Variants in CFB observed in about 807,000 individuals in gnomAD.
CFB encodes the protein complement factor B, also known as B-factor, properdin.
Under a neutral mutation model 97.2 loss-of-function variants are expected in CFB, and 59 were observed. That is an observed-to-expected ratio of 0.61 (90% CI 0.49 to 0.75). The LOEUF is 0.75. CFB is among the 30% of genes least tolerant of loss of function. CFB has a pLI of 0.00. For missense variants in CFB, 771 were observed against 959.8 expected (o/e 0.80, Z 2.60); for synonymous variants, 316 against 351.7 (o/e 0.90, Z 1.14).
At position 31,951,371 on chromosome 6, in the gene CFB, G is replaced by A. The variant is rs1771759285; in HGVS notation, c.1987G>A (p.Ala663Thr). Residue 663 changes from alanine to threonine, a missense_variant, in exon 16 of 18, where the codon GCC becomes ACC. Transcript: ENST00000425368. The surrounding 1 kb of genome is among the most constrained non-coding windows in gnomAD (Gnocchi z 4.3). ...KGSCERDAQY[A>T]PGYDKVKDIS... ...CAGCTGTGAGAGAGATGCTCAATAT[G>A]CCCCAGGCTATGACAAAGTCAAGGA... 1 of 1,614,014 alleles carries A rather than the reference G, an allele frequency of 6.2e-7. No homozygotes were observed. Among genetic ancestry groups the A allele is most frequent in the Non-Finnish European group, 8.5e-7 (1 of 1,180,036 alleles).
In CFB at chr6:31,948,022, A is replaced by G; in HGVS notation, c.838A>G (p.Ser280Gly). 1 of 1,614,192 alleles carries G rather than the reference A, an allele frequency of 6.2e-7. No homozygotes were observed. Among genetic ancestry groups the G allele is most frequent in the Non-Finnish European group, 8.5e-7 (1 of 1,180,034 alleles). Residue 280 changes from serine (S) to glycine (G), a missense_variant, in exon 6 of 18, where the codon AGC (serine) becomes GGC (glycine). Ser to Gly is a moderately conservative substitution (Grantham distance 56). Coordinates refer to ENST00000425368, the MANE Select transcript of CFB (RefSeq NM_001710.6). ...CTACCTGGTGCTAGATGGATCAGACAGCATTGGGGCCAGCAACTTCACAGG... is the reference window on the plus strand; with the variant it reads ...CTACCTGGTGCTAGATGGATCAGACGGCATTGGGGCCAGCAACTTCACAGG... ...NIYLVLDGSD[S>G]IGASNFTGAK...
intron 7 of CFB, 136 bp from the exon 8 acceptor site, chr6:31,948,694 G>C: frequency 6.6e-7 from 1 of 1,525,270 alleles, no homozygotes; most frequent in Non-Finnish European, 9.0e-7. Context: ...GCCACTTTGT[G>C]GTCAAAGGGA....
Position 31,949,239 on chromosome 6 carries a change from G to C in CFB, c.1169-4G>C. Reference sequence around the variant, plus strand: ...CTACCCTCATGGTCCTGTCTCTTCTGCAGGATTGCACAACATGGGCGGGGA... The same window carrying C: ...CTACCCTCATGGTCCTGTCTCTTCTCCAGGATTGCACAACATGGGCGGGGA... On this transcript the variant is annotated splice_region_variant and splice_polypyrimidine_tract_variant and intron_variant, in intron 8 of 17. Coordinates refer to ENST00000425368, the MANE Select transcript of CFB (RefSeq NM_001710.6). The C allele has an allele frequency of 6.2e-7, 1 of 1,613,872 alleles. No individual in the cohort carries two copies. The highest frequency in any genetic ancestry group is 1.1e-5 in the South Asian group (1 of 91,054).
Position 31,946,328 on chromosome 6 carries a change from C to G in CFB, c.64+43C>G, listed in dbSNP as rs1771418373. The G allele has an allele frequency of 6.2e-7, 1 of 1,612,950 alleles. No homozygotes were observed. Among genetic ancestry groups the G allele is most frequent in the Non-Finnish European group, 8.5e-7 (1 of 1,179,910 alleles). ...TCCCTTCCTGCTGTCTCCAGCATCC[C>G]TCCTTGGCCTTTTGGGGCCAGGCTT... On this transcript the variant is annotated intron_variant, in intron 1 of 17. Coordinates refer to ENST00000425368, the MANE Select transcript of CFB (RefSeq NM_001710.6). The surrounding 1 kb of genome is among the most constrained non-coding windows in gnomAD (Gnocchi z 6.4).
In CFB at chr6:31,951,017, AG is replaced by A. The variant is rs1258201230; in HGVS notation, c.1855+75del. The A allele has an allele frequency of 3.8e-6, 6 of 1,582,214 alleles. No individual in the cohort carries two copies. The highest frequency in any genetic ancestry group is 5.2e-6 in the Non-Finnish European group (6 of 1,153,376). The stretch of plus-strand genomic sequence containing the variant: ...GTGGGGCATGAGAGGGAGGTGCAAT[AG>A]GAAGAGATGATGCCTGGCCCAGAAC... On this transcript the variant is annotated intron_variant, in intron 14 of 17. Transcript: ENST00000425368. This position sits in a 1 kb window ranked among gnomAD's most constrained non-coding sequence, Gnocchi z 4.3.
chr6:31,950,436 C>T (rs201297029), intron 12 of CFB, 33 bp downstream of exon 12: 94 of 1,590,166 alleles, frequency 5.9e-5, no homozygotes, highest in Admixed American at 1.7e-5. Context: ...TGGGCTGCAC[C>T]TATGCTCTCC....
In CFB at chr6:31,947,145, A is replaced by C; in HGVS notation, c.437A>C (p.Gln146Pro). 1 of 1,612,998 alleles carries C rather than the reference A, an allele frequency of 6.2e-7. No homozygotes were observed. Among genetic ancestry groups the C allele is most frequent in the Non-Finnish European group, 8.5e-7 (1 of 1,180,030 alleles). Residue 146 changes from glutamine to proline, a missense_variant, in exon 3 of 18, where the codon CAA becomes CCA. By Grantham distance (76) the Gln-to-Pro change is moderately conservative. Coordinates refer to ENST00000425368, the MANE Select transcript of CFB (RefSeq NM_001710.6). This position sits in a 1 kb window ranked among gnomAD's most constrained non-coding sequence, Gnocchi z 5.3. Reference sequence around the variant, plus strand: ...CGGGGCTCTGCCAATCGCACCTGCCAAGTGAATGGCCGATGGAGTGGGCAG... The same window carrying C: ...CGGGGCTCTGCCAATCGCACCTGCCCAGTGAATGGCCGATGGAGTGGGCAG... ...TLRGSANRTCQVNGRWSGQTA... is the reference protein window; with the variant it reads ...TLRGSANRTCPVNGRWSGQTA...
chr6:31,949,993 G>A (rs1268787250), intron 10 of CFB, 57 bp from the exon 11 acceptor site: 23 of 1,552,370 alleles, frequency 1.5e-5, no homozygotes, highest in Non-Finnish European at 1.5e-5. Context: ...CCAAAAGGCT[G>A]CTGCCATTTG....
In CFB at chr6:31,950,308, G is replaced by A. The variant is rs1022051543; in HGVS notation, c.1529G>A (p.Ser510Asn). 4.3e-6 allele frequency: 7 copies of A among 1,613,094 alleles called. No individual in the cohort carries two copies. Among genetic ancestry groups the A allele is most frequent in the Non-Finnish European group, 5.9e-6 (7 of 1,180,028 alleles). Residue 510 changes from serine to asparagine, a missense_variant, in exon 12 of 18, where the codon AGC becomes AAC. Transcript: ENST00000425368. ...CAGCGCCCTTCAAAGGGACACGAGA[G>A]CTGTATGGGGGCTGTGGTGTCTGAG... ...SVIRPSKGHE[S>N]CMGAVVSEYF...
In CFB at chr6:31,951,664, G is replaced by C; in HGVS notation, c.2139+60G>C. The C allele has an allele frequency of 6.2e-7, 1 of 1,609,490 alleles. No individual in the cohort carries two copies. The highest frequency in any genetic ancestry group is 1.1e-5 in the South Asian group (1 of 91,000). ...AGTGGTCAGCATGGGCCCCAAAGCA[G>C]GAAAGCTCAATGCATGTGGCTAGTA... On this transcript the variant is annotated intron_variant, in intron 17 of 17. Coordinates refer to ENST00000425368, the MANE Select transcript of CFB (RefSeq NM_001710.6). The surrounding 1 kb of genome is among the most constrained non-coding windows in gnomAD (Gnocchi z 4.3).
chr6:31,946,911 G>A lies in CFB; in HGVS notation c.299-96G>A, dbSNP rs2151781092. On this transcript the variant is annotated intron_variant, in intron 2 of 17. Transcript: ENST00000425368. The surrounding 1 kb of genome is among the most constrained non-coding windows in gnomAD (Gnocchi z 6.4). ...GCTGCTTCTGCGGGACTGGGAATGC[G>A]CTGTTTCTCAGTGACATGGTCTCCG... The A allele has an allele frequency of 1.5e-6, 2 of 1,301,530 alleles. No individual in the cohort carries two copies. Among genetic ancestry groups the A allele is most frequent in the Non-Finnish European group, 2.2e-6 (2 of 901,592 alleles). 80.6% of individuals were successfully genotyped at this position (1,301,530 alleles called of 1,614,324 possible).
chr6:31,949,248 CACA>C lies in CFB; in HGVS notation c.1178_1180del (p.Asn393del). ...TGGTCCTGTCTCTTCTGCAGGATTG[CACA>C]ACATGGGCGGGGACCCAATTACTGT... is the stretch of plus-strand genomic sequence containing the variant. On this transcript the variant is annotated inframe_deletion, in exon 9 of 18. Transcript: ENST00000425368. 1 of 1,614,100 alleles carries C rather than the reference CACA, an allele frequency of 6.2e-7. No individual in the cohort carries two copies. Among genetic ancestry groups the C allele is most frequent in the Non-Finnish European group, 8.5e-7 (1 of 1,180,012 alleles).
chr6:31,951,942 C>G lies in CFB; in HGVS notation c.2207C>G (p.Ala736Gly). ...KNQKRQKQVP[A>G]HARDFHINLF... ...CAGAAGCGGCAAAAGCAGGTACCTG[C>G]TCACGCCCGAGACTTTCACATCAAC... The change falls in exon 18 of 18, where the codon GCT (alanine) becomes GGT (glycine). Residue 736 changes from alanine (A) to glycine (G), a missense_variant. By Grantham distance (60) the Ala-to-Gly change is moderately conservative. Coordinates refer to ENST00000425368, the MANE Select transcript of CFB (RefSeq NM_001710.6). The surrounding 1 kb of genome is among the most constrained non-coding windows in gnomAD (Gnocchi z 4.3). 3 of 1,613,130 alleles carry G rather than the reference C, an allele frequency of 1.9e-6. No homozygotes were observed. Among genetic ancestry groups the G allele is most frequent in the Non-Finnish European group, 2.5e-6 (3 of 1,180,042 alleles).
intron 9 of CFB, 27 bp downstream of exon 9, chr6:31,949,371 C>T (rs748961936): frequency 3.1e-6 from 5 of 1,614,078 alleles, no homozygotes; most frequent in Non-Finnish European, 4.2e-6. Context: ...GGACCCAGCA[C>T]CCCACTTCCT....
At chr6:31,948,651 G>A (rs1197810525) in intron 7 of CFB, 139 bp downstream of exon 7, 2 of 1,503,176 alleles carry the variant, frequency 1.3e-6, no homozygotes, top group African/African-American at 1.4e-5. Flanking sequence ...TTGGGCAATG[G>A]AGGTTAGTGG....
In CFB at chr6:31,946,611, G is replaced by A. The variant is rs1311438170; in HGVS notation, c.298+5G>A. The A allele has an allele frequency of 6.2e-7, 1 of 1,605,488 alleles. No individual in the cohort carries two copies. Among genetic ancestry groups the A allele is most frequent in the East Asian group, 2.2e-5 (1 of 44,870 alleles). ...TCAGGAAGGCAGAGTGCAGAGGTTT[G>A]AGGGCAATGAGTGTGGGCAGTGGCC... On this transcript the variant is annotated splice_donor_5th_base_variant and intron_variant, in intron 2 of 17. Coordinates refer to ENST00000425368, the MANE Select transcript of CFB (RefSeq NM_001710.6). The surrounding 1 kb of genome is among the most constrained non-coding windows in gnomAD (Gnocchi z 6.4).
At position 31,948,884 on chromosome 6, in the gene CFB, G is replaced by A; in HGVS notation, c.1091G>A (p.Ser364Asn). The A allele has an allele frequency of 6.2e-7, 1 of 1,612,948 alleles. No individual in the cohort carries two copies. Residue 364 changes from serine to asparagine, a missense_variant, in exon 8 of 18, where the codon AGC becomes AAC. Ser to Asn is a conservative substitution (Grantham distance 46). Coordinates refer to ENST00000425368, the MANE Select transcript of CFB (RefSeq NM_001710.6). The part of the protein sequence containing the change: ...NTKKALQAVY[S>N]MMSWPDDVPP... ...AAGAAGGCCCTCCAGGCAGTGTACAGCATGATGAGCTGGCCAGATGACGTC... is the reference window on the plus strand; with the variant it reads ...AAGAAGGCCCTCCAGGCAGTGTACAACATGATGAGCTGGCCAGATGACGTC...
In CFB at chr6:31,950,691, A is replaced by C. The variant is rs45484591; in HGVS notation, c.1697A>C (p.Glu566Ala). Residue 566 changes from glutamate (E) to alanine (A), a missense_variant, in exon 13 of 18, where the codon GAA (glutamate) becomes GCA (alanine). Glu to Ala is a moderately radical substitution (Grantham distance 107). Transcript: ENST00000425368. ...HPNYNINGKK[E>A]AGIPEFYDYD... ...AACTACAACATTAATGGGAAAAAAGAAGCAGGAATTCCTGAATTTTATGAC... is the reference window on the plus strand; with the variant it reads ...AACTACAACATTAATGGGAAAAAAGCAGCAGGAATTCCTGAATTTTATGAC... The C allele has an allele frequency of 0.01, 16,435 of 1,613,070 alleles. 225 individuals carry two copies. Among genetic ancestry groups the C allele is most frequent in the Middle Eastern group, 0.099 (599 of 6,062 alleles).
In CFB at chr6:31,946,969, C is replaced by T; in HGVS notation, c.299-38C>T. 1 of 1,610,282 alleles carries T rather than the reference C, an allele frequency of 6.2e-7. No individual in the cohort carries two copies. The highest frequency in any genetic ancestry group is 8.5e-7 in the Non-Finnish European group (1 of 1,177,638). ...GAGGGATACACCTAAGGCAGCCTTT[C>T]CCTCTTGATGACTTCTACTTGTCCC... On this transcript the variant is annotated intron_variant, in intron 2 of 17. Transcript: ENST00000425368. The surrounding 1 kb of genome is among the most constrained non-coding windows in gnomAD (Gnocchi z 6.4).
Sources: allele counts gnomAD v4.1 joint callset, GRCh38; gene constraint gnomAD v4.1.1; non-coding constraint Gnocchi (gnomAD v3.1); transcripts MANE v1.5; gene names NCBI Gene and HGNC (gene_info 2026-07-23, HGNC 2026-07-21).